The following MTUS2 variants were observed in gnomAD, a reference collection of about 807,000 sequenced individuals.
MTUS2 encodes microtubule associated scaffold protein 2, also known as microtubule-associated tumor suppressor candidate 2.
MTUS2 carries 40 observed loss-of-function variants against 114.1 expected under a neutral mutation model. The observed-to-expected ratio is 0.35, with a 90% CI of 0.27 to 0.46. The LOEUF (loss-of-function observed/expected upper bound fraction) is 0.46. Ranked by LOEUF, MTUS2 falls within the 20% of genes least tolerant of loss-of-function variation. The probability of loss-of-function intolerance (pLI) is 1.00; values close to 1 mark genes in which losing one functional copy is unlikely to be tolerated. For synonymous variants in MTUS2, 688 were observed against 672.0 expected (o/e 1.02, Z -0.37); for missense variants, 1,679 against 1,705.4 (o/e 0.98, Z 0.27).
intron 5 of MTUS2, among the ~76,000 whole-genome samples, chr13:29,174,082 C>T (rs1893670738): frequency 2.0e-5 from 3 of 152,150 alleles, no homozygotes; most frequent in Non-Finnish European, 4.4e-5. Flanking sequence ...TTAAAAAACA[C>T]ACCTATAAGT....
chr13:28,979,948 A>G (rs1217523292), intron 2 of MTUS2, among the ~76,000 whole-genome samples: 3 of 152,248 alleles, frequency 2.0e-5, no homozygotes, highest in African/African-American at 7.2e-5. Context: ...AGAAGTAAAC[A>G]TAACACCCAG....
chr13:29,369,739 A>G (rs1238797665), intron 8 of MTUS2, among the ~76,000 whole-genome samples: 1 of 152,216 alleles, frequency 6.6e-6, no homozygotes, highest in Non-Finnish European at 1.5e-5. Context: ...AAAATCCAAA[A>G]TAGTGAAACT....
chr13:29,062,178 G>T (rs2138651211), intron 4 of MTUS2, among the ~76,000 whole-genome samples: 1 of 152,206 alleles, frequency 6.6e-6, no homozygotes, highest in South Asian at 2.1e-4. Context: ...TAGAGACGGG[G>T]TTTCACCATG....
At chr13:29,389,363 G>A (rs56311462) in intron 8 of MTUS2, among the ~76,000 whole-genome samples, 41,628 of 56,174 alleles carry the variant, frequency 0.74, 16,305 homozygotes, top group Non-Finnish European at 0.8. Context: ...ATATATGTAT[G>A]CACGTGTGTG....
At chr13:29,167,157 G>A (rs1327400552) in intron 5 of MTUS2, among the ~76,000 whole-genome samples, 5 of 152,156 alleles carry the variant, frequency 3.3e-5, no homozygotes, top group South Asian at 2.1e-4. Flanking sequence ...GGCGGATCAC[G>A]AGGTCGGGAG....
rs3121751 is a variant in MTUS2 at position 29,387,990 on chromosome 13, T to C, written c.3117+28517T>C. Among the ~76,000 whole-genome samples the C allele has an allele frequency of 7.6e-3, 1,151 of 152,198 alleles. 12 individuals are homozygous for C. The highest frequency in any genetic ancestry group is 0.025 in the African/African-American group (1,051 of 41,516). On this transcript the variant is annotated intron_variant, in intron 8 of 15. Transcript: ENST00000612955. Reference sequence around the variant, plus strand: ...GGGCCATCGCTTCACTCTGAACATGTGTTTACCAGAGCACAAAACTTTGTG... The same window carrying C: ...GGGCCATCGCTTCACTCTGAACATGCGTTTACCAGAGCACAAAACTTTGTG...
At chr13:28,870,754 T>G (rs1877570339) in intron 2 of MTUS2, among the ~76,000 whole-genome samples, 1 of 152,176 alleles carries the variant, frequency 6.6e-6, no homozygotes. Flanking sequence ...ACCAGTAAAG[T>G]CACTGGACTT....
intron 6 of MTUS2, among the ~76,000 whole-genome samples, chr13:29,310,417 G>A (rs59157702): frequency 0.096 from 14,625 of 152,212 alleles, 1,035 homozygotes; most frequent in African/African-American, 0.2. Flanking sequence ...AGTGGCTACT[G>A]TCTCAACTGT....
intron 9 of MTUS2, among the ~76,000 whole-genome samples, chr13:29,476,218 A>G (rs1880690721): frequency 6.6e-6 from 1 of 152,244 alleles, no homozygotes; most frequent in Admixed American, 6.5e-5. Flanking sequence ...GGCTATGCCT[A>G]CACTCCATGA....
chr13:29,111,130 T>C (rs1890867455), intron 5 of MTUS2, among the ~76,000 whole-genome samples: 1 of 152,178 alleles, frequency 6.6e-6, no homozygotes, highest in African/African-American at 2.4e-5. Context: ...TAAGGAATAG[T>C]AGAATTGTGT....
intron 11 of MTUS2, among the ~76,000 whole-genome samples, chr13:29,491,094 G>A (rs1005948808): frequency 1.3e-5 from 2 of 150,386 alleles, no homozygotes; most frequent in African/African-American, 4.9e-5. Flanking sequence ...TGGTATGTGT[G>A]CGGGTGTTTA....
chr13:29,261,780 C>G (rs1045205588), intron 5 of MTUS2, among the ~76,000 whole-genome samples: 1 of 152,168 alleles, frequency 6.6e-6, no homozygotes, highest in Non-Finnish European at 1.5e-5. Context: ...AAGGTATTAA[C>G]TACTAAGATA....
chr13:28,959,649 A>G (rs932100110), intron 2 of MTUS2, among the ~76,000 whole-genome samples: 2 of 152,096 alleles, frequency 1.3e-5, no homozygotes, highest in Non-Finnish European at 2.9e-5. Flanking sequence ...AGGAGGGAGA[A>G]AGAGGAGGTG....
chr13:29,289,223 C>G (rs1467667046), intron 6 of MTUS2, among the ~76,000 whole-genome samples: 1 of 152,112 alleles, frequency 6.6e-6, no homozygotes, highest in Non-Finnish European at 1.5e-5. Context: ...GTAAAAACAG[C>G]AAAGTTCAAG....
chr13:29,323,767 C>T (rs999286380), intron 6 of MTUS2, among the ~76,000 whole-genome samples: 4 of 151,926 alleles, frequency 2.6e-5, no homozygotes, highest in Non-Finnish European at 4.4e-5. Context: ...AGAGTGAGGT[C>T]TCAGGGTTTG....
chr13:29,191,958 A>G (rs1414086135), intron 5 of MTUS2, among the ~76,000 whole-genome samples: 4 of 152,224 alleles, frequency 2.6e-5, no homozygotes, highest in Admixed American at 1.3e-4. Context: ...GGTGACTACA[A>G]TGCAGTGAGT....
intron 4 of MTUS2, among the ~76,000 whole-genome samples, chr13:29,043,279 C>A (rs1295117997): frequency 6.6e-6 from 1 of 152,060 alleles, no homozygotes; most frequent in Non-Finnish European, 1.5e-5. Flanking sequence ...CAGTTTTATT[C>A]CACTGTAGTT....
intron 8 of MTUS2, among the ~76,000 whole-genome samples, chr13:29,365,194 C>T (rs1039214677): frequency 1.5e-4 from 23 of 152,070 alleles, no homozygotes; most frequent in African/African-American, 5.3e-4. Context: ...CAAAATATTC[C>T]CAATATCAAG....
chr13:29,024,556 T>C lies in MTUS2; in HGVS notation c.-143T>C, dbSNP rs1362953845. 1 of 966,580 alleles carries C rather than the reference T, an allele frequency of 1.0e-6. No homozygotes were observed. The allele number at this position is 966,580 out of a possible 1,614,324, so 59.9% of individuals were successfully genotyped here. On this transcript the variant is annotated 5_prime_UTR_variant, in exon 3 of 16. It removes an upstream start codon present in the reference 5' UTR. Transcript: ENST00000612955. ...CTTGGTTTTCAAGCTGTTCTGAGAA[T>C]GATTAAAGCAGTGTCGCAAGGTGAC...
Sources: allele counts gnomAD v4.1 joint callset (sites outside exome capture counted in the v4.1 genomes callset), GRCh38; gene constraint gnomAD v4.1.1; transcripts MANE v1.5; gene names NCBI Gene and HGNC (gene_info 2026-07-23, HGNC 2026-07-21).